Variants in SLC36A2 observed in about 807,000 individuals in gnomAD.
SLC36A2 encodes solute carrier family 36 member 2.
SLC36A2 carries 39 observed loss-of-function variants against 42.7 expected under a neutral mutation model. The ratio of observed to expected loss-of-function variants is 0.91; its 90% CI spans 0.71 to 1.19. The LOEUF is 1.19. Among genes scored for constraint, SLC36A2 ranks in the 50% most tolerant of loss-of-function variants. SLC36A2 has a pLI of 0.00. For missense variants in SLC36A2, 590 were observed against 613.7 expected, an observed-to-expected ratio of 0.96 and a Z score of 0.41; for synonymous variants, 237 against 240.8, an observed-to-expected ratio of 0.98 and a Z score of 0.15.
intron 4 of SLC36A2, among the ~76,000 whole-genome samples, chr5:151,340,745 G>A (rs1468384031): frequency 6.6e-6 from 1 of 152,214 alleles, no homozygotes; most frequent in African/African-American, 2.4e-5. Context: ...TTGCTTGAAA[G>A]AACTTCAGTA....
At chr5:151,345,781 CA>C (rs1414637456) in intron 1 of SLC36A2, among the ~76,000 whole-genome samples, 2 of 152,168 alleles carry the variant, frequency 1.3e-5, no homozygotes, top group Non-Finnish European at 2.9e-5. Context: ...TGCAAAGCAC[CA>C]AACTGGGAGT....
chr5:151,344,434 C>T (rs1756437448), intron 1 of SLC36A2, among the ~76,000 whole-genome samples, 167 bp from the exon 2 acceptor site: 2 of 152,298 alleles, frequency 1.3e-5, no homozygotes, highest in Admixed American at 6.5e-5. Context: ...ACCAACCATC[C>T]CAGTTTGCCC....
intron 7 of SLC36A2, 88 bp from the exon 8 acceptor site, chr5:151,325,540 G>C: frequency 7.3e-7 from 1 of 1,362,838 alleles, no homozygotes. Flanking sequence ...CTACCCCAAA[G>C]AACTGAAAGC....
intron 4 of SLC36A2, 26 bp from the exon 5 acceptor site, chr5:151,339,170 G>A (rs757976291): frequency 6.4e-7 from 1 of 1,558,086 alleles, no homozygotes; most frequent in South Asian, 1.1e-5. Flanking sequence ...GAGGGAAAAA[G>A]AAAACTTGTT....
At chr5:151,320,396 C>CAAAA (rs10657202) in intron 9 of SLC36A2, among the ~76,000 whole-genome samples, 203 of 148,406 alleles carry the variant, frequency 1.4e-3, no homozygotes, top group Middle Eastern at 0.011. Context: ...CTTTGTTATG[C>CAAAA]AAAAAAAAAA....
At chr5:151,328,474 A>G (rs1172991147) in intron 7 of SLC36A2, among the ~76,000 whole-genome samples, 2 of 152,190 alleles carry the variant, frequency 1.3e-5, no homozygotes, top group Non-Finnish European at 2.9e-5. Context: ...TTCTTTTTGG[A>G]CAGATGACTT....
intron 5 of SLC36A2, among the ~76,000 whole-genome samples, chr5:151,338,042 G>A (rs540677858): frequency 2.5e-4 from 38 of 152,152 alleles, no homozygotes; most frequent in East Asian, 2.3e-3. Context: ...CAGTTTTCTC[G>A]TCTGCAAAAT....
rs1026004164 is a variant in SLC36A2 at position 151,329,195 on chromosome 5, A to G, written c.844-3743T>C. 5.3e-5 allele frequency among the ~76,000 whole-genome samples: 8 copies of G among 152,184 alleles called. No individual in the cohort carries two copies. The East Asian group carries it at 7.7e-4, about 15-fold the overall frequency. Reference sequence around the variant, plus strand: ...CTACTGTGTAGAGTCCTGTCTGCCAATTGGCACTGTGTAGCACATGAGCAG... The same window carrying G: ...CTACTGTGTAGAGTCCTGTCTGCCAGTTGGCACTGTGTAGCACATGAGCAG... On this transcript the variant is annotated intron_variant, in intron 7 of 9. Transcript: ENST00000335244.
intron 9 of SLC36A2, among the ~76,000 whole-genome samples, chr5:151,320,547 C>G (rs1458067934): frequency 6.7e-6 from 1 of 149,082 alleles, no homozygotes; most frequent in African/African-American, 2.5e-5. Flanking sequence ...TGGGCCACCT[C>G]TACTCTACAC....
At chr5:151,335,744 A>T (rs1290453305) in intron 5 of SLC36A2, among the ~76,000 whole-genome samples, 197 bp from the exon 6 acceptor site, 2 of 152,194 alleles carry the variant, frequency 1.3e-5, no homozygotes, top group East Asian at 3.9e-4. Context: ...AAGAGGCTGT[A>T]CATGCTGGTT....
rs1755502210 is a variant in SLC36A2, at chr5:151,316,727, A to G, written c.*90T>C. The G allele has an allele frequency of 1.4e-6, 2 of 1,470,126 alleles. No homozygotes were observed. The highest frequency in any genetic ancestry group is 1.8e-6 in the Non-Finnish European group (2 of 1,093,804). 91.1% of individuals were successfully genotyped at this position (1,470,126 alleles called of 1,614,324 possible). Reference sequence around the variant, plus strand: ...TGTACTCCAGTCTGGGCAACAAGACAGAAACTCCGTCTCAAAAAAAAAAAA... The same window carrying G: ...TGTACTCCAGTCTGGGCAACAAGACGGAAACTCCGTCTCAAAAAAAAAAAA... On this transcript the variant is annotated 3_prime_UTR_variant, in exon 10 of 10. Coordinates refer to ENST00000335244, the MANE Select transcript of SLC36A2 (RefSeq NM_181776.3).
chr5:151,340,496 TGAG>T (rs1756312452), intron 4 of SLC36A2, among the ~76,000 whole-genome samples: 1 of 152,022 alleles, frequency 6.6e-6, no homozygotes, highest in African/African-American at 2.4e-5. Flanking sequence ...GTGTGCAGAA[TGAG>T]GAGAGTAGAA....
At chr5:151,333,019 C>T (rs1756040276) in intron 7 of SLC36A2, among the ~76,000 whole-genome samples, 1 of 152,190 alleles carries the variant, frequency 6.6e-6, no homozygotes, top group South Asian at 2.1e-4. Flanking sequence ...AAAACTGTCT[C>T]CTGACTGCCT....
intron 4 of SLC36A2, 120 bp downstream of exon 4, chr5:151,342,768 G>A (rs1756383044): frequency 1.3e-6 from 1 of 797,466 alleles, no homozygotes; most frequent in Non-Finnish European, 2.2e-6. Flanking sequence ...CCCCTTCCAT[G>A]TACAACATCT....
At chr5:151,321,503 T>G (rs894120440) in intron 9 of SLC36A2, among the ~76,000 whole-genome samples, 1 of 152,152 alleles carries the variant, frequency 6.6e-6, no homozygotes, top group Non-Finnish European at 1.5e-5. Flanking sequence ...AGTTATTGTT[T>G]GATAAGCTGT....
At chr5:151,327,906 T>C (rs573115276) in intron 7 of SLC36A2, among the ~76,000 whole-genome samples, 1 of 152,350 alleles carries the variant, frequency 6.6e-6, no homozygotes, top group African/African-American at 2.4e-5. Flanking sequence ...TCACCTTCTC[T>C]CTCTGGGGCT....
chr5:151,326,241 C>A (rs1006580171), intron 7 of SLC36A2, among the ~76,000 whole-genome samples: 16 of 152,222 alleles, frequency 1.1e-4, no homozygotes, highest in Admixed American at 1.0e-3. Context: ...GTTTTGACAG[C>A]ACAGTCTTTC....
Position 151,339,042 on chromosome 5 carries a change from T to C in SLC36A2, c.525+18A>G. ...CTTGTCCATCTTTTCCCCTCCCGTT[T>C]TCTCTAGAAGCCTCTACCTGTTTTA... On this transcript the variant is annotated intron_variant, in intron 5 of 9. Transcript: ENST00000335244. 1 of 1,592,006 alleles carries C rather than the reference T, an allele frequency of 6.3e-7. No individual in the cohort carries two copies. Among genetic ancestry groups the C allele is most frequent in the Non-Finnish European group, 8.6e-7 (1 of 1,162,070 alleles).
At position 151,316,060 on chromosome 5, in the gene SLC36A2, G is replaced by C. The variant is rs1755482535; in HGVS notation, c.*757C>G. ...CACTGGAGCCGTGCACAACTTTCTGGCTTGTGGATTATGTGCCCACCCTTA... is the reference window on the plus strand; with the variant it reads ...CACTGGAGCCGTGCACAACTTTCTGCCTTGTGGATTATGTGCCCACCCTTA... On this transcript the variant is annotated 3_prime_UTR_variant, in exon 10 of 10. Transcript: ENST00000335244. The C allele has an allele frequency of 6.6e-6, 1 of 152,266 alleles. No individual in the cohort carries two copies. The highest frequency in any genetic ancestry group is 1.5e-5 in the Non-Finnish European group (1 of 68,094). The allele number at this position is 152,266 out of a possible 1,614,324, so 9.4% of individuals were successfully genotyped here.
Sources: allele counts gnomAD v4.1 joint callset (sites outside exome capture counted in the v4.1 genomes callset), GRCh38; gene constraint gnomAD v4.1.1; transcripts MANE v1.5; gene names NCBI Gene and HGNC (gene_info 2026-07-23, HGNC 2026-07-21).